The following SPARC variants were observed in gnomAD, a reference collection of about 807,000 sequenced individuals.
The protein encoded by SPARC is secreted protein acidic and cysteine rich, also known as basement-membrane protein 40.
Under a neutral mutation model 37.7 loss-of-function variants are expected in SPARC, and 23 were observed. That is an observed-to-expected ratio of 0.61 (90% CI 0.44 to 0.87). The LOEUF is 0.87. SPARC is among the 40% of genes least tolerant of loss of function. SPARC has a pLI of 0.00. For synonymous variants in SPARC, 155 were observed against 150.8 expected (o/e 1.03, Z -0.20); for missense variants, 312 against 389.0 (o/e 0.80, Z 1.66).
intron 4 of SPARC, 73 bp downstream of exon 4, chr5:151,673,056 G>A (rs1760781589): frequency 9.8e-7 from 1 of 1,016,510 alleles, no homozygotes; most frequent in Non-Finnish European, 1.6e-6. Flanking sequence ...GCCTCATGTA[G>A]GCTGTCCTCG....
intron 4 of SPARC, among the ~76,000 whole-genome samples, chr5:151,672,372 T>C (rs1407058543): frequency 6.6e-6 from 1 of 152,186 alleles, no homozygotes; most frequent in Non-Finnish European, 1.5e-5. Context: ...AATAATCCTT[T>C]AGCGGATGCC....
chr5:151,666,593 C>G, intron 7 of SPARC, 84 bp from the exon 8 acceptor site: 1 of 1,295,128 alleles, frequency 7.7e-7, no homozygotes, highest in East Asian at 2.4e-5. Flanking sequence ...CCCAGAAGGC[C>G]AGAGCAGGCA....
At chr5:151,664,019 A>G in intron 9 of SPARC, 68 bp downstream of exon 9, 1 of 1,580,706 alleles carries the variant, frequency 6.3e-7, no homozygotes, top group Non-Finnish European at 8.7e-7. Context: ...GAGTGGGGGG[A>G]TGACAACCCA....
chr5:151,667,442 C>G (rs1397284476), intron 7 of SPARC, 25 bp downstream of exon 7: 1 of 1,613,804 alleles, frequency 6.2e-7, no homozygotes, highest in Admixed American at 1.7e-5. Context: ...AGCACGGGGC[C>G]AGCAAGGCCA....
chr5:151,674,008 GCT>G (rs749736809), intron 3 of SPARC, among the ~76,000 whole-genome samples: 9,635 of 129,190 alleles, frequency 0.075, 319 homozygotes, highest in Admixed American at 0.12. Context: ...GTGTGTGTGT[GCT>G]TGTTTGTTTG....
At chr5:151,684,582 C>T (rs1761084876) in intron 1 of SPARC, among the ~76,000 whole-genome samples, 1 of 148,492 alleles carries the variant, frequency 6.7e-6, no homozygotes, top group South Asian at 2.1e-4. Context: ...CTATACAAAC[C>T]CCAAGATGAT....
intron 1 of SPARC, among the ~76,000 whole-genome samples, chr5:151,684,257 T>G (rs185504637): frequency 2.7e-4 from 41 of 152,284 alleles, no homozygotes; most frequent in African/African-American, 8.7e-4. Context: ...TTCCTTTGAA[T>G]AAAAGCGGTA....
intron 1 of SPARC, among the ~76,000 whole-genome samples, chr5:151,678,765 T>C (rs1760919206): frequency 6.6e-6 from 1 of 152,168 alleles, no homozygotes; most frequent in Non-Finnish European, 1.5e-5. Context: ...AATCTTGGAA[T>C]ACACCTTAAA....
At chr5:151,685,411 C>CT (rs1761111618) in intron 1 of SPARC, among the ~76,000 whole-genome samples, 2 of 68,800 alleles carry the variant, frequency 2.9e-5, no homozygotes, top group East Asian at 4.7e-4. Flanking sequence ...CTCTCTCTCT[C>CT]CCTCTCTCTC....
At chr5:151,666,827 A>C (rs1462935165) in intron 7 of SPARC, among the ~76,000 whole-genome samples, 1 of 152,174 alleles carries the variant, frequency 6.6e-6, no homozygotes, top group Non-Finnish European at 1.5e-5. Flanking sequence ...GAGTTTTGAG[A>C]CCAGCCTGGC....
chr5:151,679,829 CA>C (rs770850876), intron 1 of SPARC: 6 of 152,200 alleles, frequency 3.9e-5, no homozygotes, highest in East Asian at 1.9e-4. Flanking sequence ...AACGTTAGAA[CA>C]GGGGGGATAC....
intron 1 of SPARC, among the ~76,000 whole-genome samples, chr5:151,678,467 G>C (rs1387096029): frequency 6.6e-6 from 1 of 152,178 alleles, no homozygotes; most frequent in African/African-American, 2.4e-5. Context: ...TTATAGTGCT[G>C]CTTCATAGTT....
Position 151,669,803 on chromosome 5 carries a change from G to A in SPARC, c.331-19C>T, listed in dbSNP as rs968981356. 6.2e-7 allele frequency: 1 copy of A among 1,613,830 alleles called. No individual in the cohort carries two copies. Among genetic ancestry groups the A allele is most frequent in the Non-Finnish European group, 8.5e-7 (1 of 1,179,818 alleles). ...TGCACACCTGTTGGCAAAGCACAGA[G>A]TACCCCCTCCTTCATTCCCAAAGCC... On this transcript the variant is annotated intron_variant, in intron 5 of 9. Transcript: ENST00000231061.
At position 151,675,583 on chromosome 5, in the gene SPARC, G is replaced by A. The variant is rs557442999; in HGVS notation, c.57+549C>T. Among the ~76,000 whole-genome samples, 4 of 152,296 alleles carry A rather than the reference G, an allele frequency of 2.6e-5. 1 individual carries two copies. In the South Asian group the frequency reaches 8.3e-4, roughly 32 times the overall value. ...TTCATTCAGACAGCAATATCTCAGA[G>A]ACTGTCCATTAGTTCTTAACTCCCA... On this transcript the variant is annotated intron_variant, in intron 2 of 9. Coordinates refer to ENST00000231061, the MANE Select transcript of SPARC (RefSeq NM_003118.4).
intron 1 of SPARC, among the ~76,000 whole-genome samples, chr5:151,682,775 T>C (rs770325881): frequency 1.3e-5 from 2 of 152,248 alleles, no homozygotes; most frequent in Non-Finnish European, 2.9e-5. Flanking sequence ...TCCAGATGTT[T>C]GCTTTGCTTT....
At position 151,664,195 on chromosome 5, in the gene SPARC, G is replaced by T; in HGVS notation, c.775C>A (p.Leu259Ile). The T allele has an allele frequency of 1.2e-6, 2 of 1,614,118 alleles. No individual in the cohort carries two copies. Among genetic ancestry groups the T allele is most frequent in the Non-Finnish European group, 1.7e-6 (2 of 1,179,976 alleles). Reference protein sequence around the residue: ...HTELAPLRAPLIPMEHCTTRF... With the variant: ...HTELAPLRAPIIPMEHCTTRF... The stretch of plus-strand genomic sequence containing the variant: ...GTGGTGCAATGCTCCATGGGGATGA[G>T]GGGAGCACGCAGTGGAGCCAGCTCG... Residue 259 changes from leucine to isoleucine, a missense_variant, in exon 9 of 10, where the codon CTC becomes ATC. Coordinates refer to ENST00000231061, the MANE Select transcript of SPARC (RefSeq NM_003118.4).
At chr5:151,675,423 A>G (rs1480130778) in intron 2 of SPARC, among the ~76,000 whole-genome samples, 1 of 152,172 alleles carries the variant, frequency 6.6e-6, no homozygotes, top group Admixed American at 6.5e-5. Flanking sequence ...ACTGTCTGTC[A>G]ATCAAGGGGC....
At chr5:151,685,727 A>C (rs1404025856) in intron 1 of SPARC, 1 of 152,208 alleles carries the variant, frequency 6.6e-6, no homozygotes, top group Non-Finnish European at 1.5e-5. Context: ...GGCGTATAGA[A>C]ATTTAACTCT....
chr5:151,686,614 G>T (rs1761146564), intron 1 of SPARC: 1 of 152,202 alleles, frequency 6.6e-6, no homozygotes, highest in Non-Finnish European at 1.5e-5. Context: ...ATGCTCCCCC[G>T]AAGACATAGT....
Sources: allele counts gnomAD v4.1 joint callset (sites outside exome capture counted in the v4.1 genomes callset), GRCh38; gene constraint gnomAD v4.1.1; transcripts MANE v1.5; gene names NCBI Gene and HGNC (gene_info 2026-07-23, HGNC 2026-07-21).